FGF12: variants seen among roughly 807,000 people sequenced by gnomAD.
FGF12 encodes the protein fibroblast growth factor 12.
Under a neutral mutation model 23.6 loss-of-function variants are expected in FGF12, and 14 were observed. That is an observed-to-expected ratio of 0.59 (90% confidence interval 0.39 to 0.93). FGF12 has a LOEUF of 0.93. Among genes scored for constraint, FGF12 ranks in the 40% least tolerant of loss-of-function variants. The pLI, the probability that FGF12 is intolerant of heterozygous loss-of-function variation, is 0.00. For synonymous variants in FGF12, 62 were observed against 77.3 expected (o/e 0.80, Z 1.04); for missense variants, 175 against 217.8 (o/e 0.80, Z 1.24).
At chr3:192,343,812 C>T (rs1275353852) in intron 3 of FGF12, among the ~76,000 whole-genome samples, 1 of 152,092 alleles carries the variant, frequency 6.6e-6, no homozygotes, top group Admixed American at 6.5e-5. Context: ...TAGAATATAA[C>T]ATGTTTTTGT....
chr3:192,653,797 C>T (rs1383371269), intron 2 of FGF12, among the ~76,000 whole-genome samples: 1 of 151,630 alleles, frequency 6.6e-6, no homozygotes, highest in Non-Finnish European at 1.5e-5. Context: ...TCACTGCAAC[C>T]TCCGCCTCCC....
intron 2 of FGF12, among the ~76,000 whole-genome samples, chr3:192,449,890 T>C (rs778923105): frequency 1.4e-4 from 22 of 152,330 alleles, no homozygotes; most frequent in Admixed American, 3.9e-4. Flanking sequence ...CTCAGCCTTA[T>C]GACAGCAGCT....
intron 2 of FGF12, among the ~76,000 whole-genome samples, chr3:192,588,836 T>A (rs1443228655): frequency 6.6e-6 from 1 of 151,796 alleles, no homozygotes; most frequent in African/African-American, 2.4e-5. Flanking sequence ...AGGTGAGAGG[T>A]AAATTAGTAA....
At chr3:192,300,971 A>T (rs974044697) in intron 4 of FGF12, among the ~76,000 whole-genome samples, 2 of 152,184 alleles carry the variant, frequency 1.3e-5, no homozygotes, top group African/African-American at 4.8e-5. Flanking sequence ...ACTGCACTCC[A>T]GCCTGGAGGA....
At chr3:192,609,501 A>G (rs1714470090) in intron 2 of FGF12, among the ~76,000 whole-genome samples, 1 of 152,086 alleles carries the variant, frequency 6.6e-6, no homozygotes, top group Non-Finnish European at 1.5e-5. Context: ...CGCTGGCTTG[A>G]GACATTGCAT....
intron 2 of FGF12, among the ~76,000 whole-genome samples, chr3:192,451,380 C>A (rs1722514589): frequency 6.6e-6 from 1 of 152,168 alleles, no homozygotes; most frequent in Non-Finnish European, 1.5e-5. Context: ...AATTACCAGT[C>A]TGACAGCATA....
At chr3:192,715,041 C>T (rs1052806303) in intron 2 of FGF12, among the ~76,000 whole-genome samples, 5 of 152,066 alleles carry the variant, frequency 3.3e-5, no homozygotes, top group South Asian at 2.1e-4. Context: ...TTCTTCTGGC[C>T]CTGACAGTGT....
chr3:192,723,117 T>C (rs572448450), intron 2 of FGF12, among the ~76,000 whole-genome samples: 1 of 152,102 alleles, frequency 6.6e-6, no homozygotes, highest in African/African-American at 2.4e-5. Context: ...CACATTACCA[T>C]GAGTTAACAG....
At chr3:192,723,138 C>G (rs1445016122) in intron 2 of FGF12, among the ~76,000 whole-genome samples, 2 of 152,048 alleles carry the variant, frequency 1.3e-5, no homozygotes, top group Non-Finnish European at 2.9e-5. Flanking sequence ...CAGACTTTGT[C>G]AGGAGCTTAA....
intron 2 of FGF12, among the ~76,000 whole-genome samples, chr3:192,648,348 G>C (rs1427809437): frequency 6.6e-6 from 1 of 151,858 alleles, no homozygotes; most frequent in African/African-American, 2.4e-5. Flanking sequence ...GTTGATTTTT[G>C]TCATTGTTTT....
chr3:192,583,732 T>A (rs904179319), intron 2 of FGF12, among the ~76,000 whole-genome samples: 1 of 152,192 alleles, frequency 6.6e-6, no homozygotes, highest in Non-Finnish European at 1.5e-5. Context: ...AGGAGAGGCA[T>A]CAGTAACTAG....
chr3:192,511,442 T>G (rs1260434285), intron 2 of FGF12, among the ~76,000 whole-genome samples: 2 of 152,162 alleles, frequency 1.3e-5, no homozygotes, highest in Non-Finnish European at 2.9e-5. Flanking sequence ...CTCTGATGGA[T>G]TGCTTCCACA....
chr3:192,158,356 TTCTTTCTTTCTTTC>T, intron 5 of FGF12, among the ~76,000 whole-genome samples: 1 of 112,292 alleles, frequency 8.9e-6, no homozygotes, highest in Non-Finnish European at 1.8e-5. Flanking sequence ...CTTTCTTTCT[TTCTTTCTTTCTTTC>T]TTTCTTTCTT....
chr3:192,580,979 GT>G (rs1347026258), intron 2 of FGF12, among the ~76,000 whole-genome samples: 2 of 152,184 alleles, frequency 1.3e-5, no homozygotes, highest in Non-Finnish European at 2.9e-5. Flanking sequence ...CATATGAAAA[GT>G]CTTAAAATGT....
chr3:192,526,014 T>C (rs1016121486), intron 2 of FGF12, among the ~76,000 whole-genome samples: 7 of 152,222 alleles, frequency 4.6e-5, no homozygotes, highest in African/African-American at 1.7e-4. Flanking sequence ...CTTCGTGATA[T>C]GCCTGCTTTG....
intron 2 of FGF12, among the ~76,000 whole-genome samples, chr3:192,664,932 C>G (rs1028766919): frequency 1.3e-5 from 2 of 152,132 alleles, no homozygotes; most frequent in African/African-American, 2.4e-5. Context: ...TAATACCTAC[C>G]CAGTAGAGAA....
intron 2 of FGF12, among the ~76,000 whole-genome samples, chr3:192,544,658 AT>A (rs139223405): frequency 1.1e-4 from 17 of 151,644 alleles, no homozygotes; most frequent in South Asian, 8.4e-4. Context: ...AAATTTTACA[AT>A]TTTTTTTTAT....
chr3:192,577,198 G>A (rs1712943644), intron 2 of FGF12, among the ~76,000 whole-genome samples: 1 of 152,142 alleles, frequency 6.6e-6, no homozygotes. Flanking sequence ...AGAACTTAAA[G>A]TGTAATAAAA....
At chr3:192,270,164 TG>T (rs1307031095) in intron 4 of FGF12, among the ~76,000 whole-genome samples, 1 of 152,214 alleles carries the variant, frequency 6.6e-6, no homozygotes, top group Non-Finnish European at 1.5e-5. Flanking sequence ...TTTGCTCTGA[TG>T]ACCATAGAGC....
Sources: allele counts gnomAD v4.1 joint callset (sites outside exome capture counted in the v4.1 genomes callset), GRCh38; gene constraint gnomAD v4.1.1; transcripts MANE v1.5; gene names NCBI Gene and HGNC (gene_info 2026-07-23, HGNC 2026-07-21).